CACNA2D3: variants seen among roughly 807,000 people sequenced by gnomAD.
The protein encoded by CACNA2D3 is calcium voltage-gated channel auxiliary subunit alpha2delta 3.
A neutral mutation model predicts 160.6 loss-of-function variants in CACNA2D3; 60 were observed. The ratio of observed to expected loss-of-function variants is 0.37; its 90% CI spans 0.30 to 0.46. The LOEUF (loss-of-function observed/expected upper bound fraction) is 0.46, where lower values mean the gene tolerates loss of function less well. Ranked by LOEUF, CACNA2D3 falls within the 20% of genes least tolerant of loss-of-function variation. CACNA2D3 has a pLI of 1.00. For synonymous variants in CACNA2D3, 558 were observed against 492.9 expected (o/e 1.13, Z -1.75); for missense variants, 1,205 against 1,365.0 (o/e 0.88, Z 1.85).
chr3:55,043,218 T>G (rs1480500689), intron 35 of CACNA2D3, among the ~76,000 whole-genome samples: 2 of 152,124 alleles, frequency 1.3e-5, no homozygotes, highest in Non-Finnish European at 2.9e-5. Flanking sequence ...CCATTTTGCC[T>G]TCTTGTCAGC....
intron 2 of CACNA2D3, among the ~76,000 whole-genome samples, chr3:54,309,634 G>C (rs1703685805): frequency 6.6e-6 from 1 of 152,132 alleles, no homozygotes; most frequent in Non-Finnish European, 1.5e-5. Flanking sequence ...GGCTCTGGGG[G>C]CACTGGGCCT....
intron 31 of CACNA2D3, among the ~76,000 whole-genome samples, chr3:54,993,796 C>T (rs909683505): frequency 6.0e-5 from 9 of 151,064 alleles, no homozygotes; most frequent in Non-Finnish European, 1.0e-4. Context: ...CTGCTCTCGT[C>T]GAGCCACCAG....
At chr3:54,164,342 C>G (rs1700408223) in intron 2 of CACNA2D3, among the ~76,000 whole-genome samples, 1 of 152,190 alleles carries the variant, frequency 6.6e-6, no homozygotes, top group South Asian at 2.1e-4. Context: ...CTCGAGAATC[C>G]TCCCTCTGCT....
At chr3:54,261,916 A>AC (rs1022723145) in intron 2 of CACNA2D3, among the ~76,000 whole-genome samples, 29 of 151,626 alleles carry the variant, frequency 1.9e-4, no homozygotes, top group Non-Finnish European at 3.2e-4. Flanking sequence ...AATTGCACAG[A>AC]CCCCCCCATG....
chr3:54,570,214 C>T (rs1702472105), intron 8 of CACNA2D3, 110 bp downstream of exon 8: 10 of 1,117,408 alleles, frequency 8.9e-6, no homozygotes, highest in African/African-American at 3.1e-5. Context: ...GATGCCAGAA[C>T]ATGAGGCCTG....
chr3:54,871,603 G>T lies in CACNA2D3; in HGVS notation c.1691G>T (p.Trp564Leu). The change falls in exon 18 of 38, where the codon TGG (tryptophan) becomes TTG (leucine). Residue 564 changes from tryptophan (W) to leucine (L), a missense_variant. Around this residue, in one of 3 missense-constraint regions of CACNA2D3, gnomAD observed 911 missense variants for 1,002.2 expected, o/e 0.91. Coordinates refer to ENST00000474759, the MANE Select transcript of CACNA2D3 (RefSeq NM_018398.3). ...YSSVDLSEVE[W>L]EDRDDVLRNA... ...AGCGTTGACCTCTCTGAGGTGGAGT[G>T]GGAAGACCGAGATGACGTGGTAAGT... The T allele has an allele frequency of 6.2e-7, 1 of 1,613,080 alleles. No individual in the cohort carries two copies. Among genetic ancestry groups the T allele is most frequent in the Non-Finnish European group, 8.5e-7 (1 of 1,179,144 alleles).
chr3:54,557,756 G>A (rs952527900), intron 5 of CACNA2D3, among the ~76,000 whole-genome samples: 5 of 152,182 alleles, frequency 3.3e-5, no homozygotes, highest in Non-Finnish European at 5.9e-5. Context: ...AAAAGAAAGA[G>A]ATCCATTTTC....
chr3:54,858,141 C>T lies in CACNA2D3; in HGVS notation c.1626+11674C>T, dbSNP rs192394530. 4.1e-3 allele frequency among the ~76,000 whole-genome samples: 629 copies of T among 151,864 alleles called. 2 individuals carry two copies. Among genetic ancestry groups the T allele is most frequent in the Non-Finnish European group, 7.9e-3 (536 of 67,974 alleles). On this transcript the variant is annotated intron_variant, in intron 17 of 37. Coordinates refer to ENST00000474759, the MANE Select transcript of CACNA2D3 (RefSeq NM_018398.3). ...TAAAAACCTCATCAAAATGTAATTA[C>T]AGGCAAAGTGTTGAATAATGATCTC...
intron 4 of CACNA2D3, among the ~76,000 whole-genome samples, chr3:54,465,771 A>G (rs955775312): frequency 1.3e-5 from 2 of 152,234 alleles, no homozygotes; most frequent in Admixed American, 6.5e-5. Flanking sequence ...ACTCGTTAAC[A>G]TTAATAACTG....
chr3:54,479,608 A>G (rs1575480208), intron 4 of CACNA2D3, among the ~76,000 whole-genome samples: 1 of 152,134 alleles, frequency 6.6e-6, no homozygotes, highest in Non-Finnish European at 1.5e-5. Context: ...AGTGGCTCCC[A>G]CCTTTTTCTC....
At chr3:54,449,926 C>T (rs1700279108) in intron 4 of CACNA2D3, among the ~76,000 whole-genome samples, 1 of 152,102 alleles carries the variant, frequency 6.6e-6, no homozygotes, top group Non-Finnish European at 1.5e-5. Context: ...AAATATATGT[C>T]CACAATCTCT....
At chr3:54,715,639 G>A (rs1230108439) in intron 11 of CACNA2D3, among the ~76,000 whole-genome samples, 1 of 152,038 alleles carries the variant, frequency 6.6e-6, no homozygotes, top group Admixed American at 6.5e-5. Context: ...CATCTCGTTA[G>A]CATACAAAAG....
At chr3:55,052,358 C>A (rs911269741) in intron 35 of CACNA2D3, among the ~76,000 whole-genome samples, 1 of 151,736 alleles carries the variant, frequency 6.6e-6, no homozygotes, top group Non-Finnish European at 1.5e-5. Flanking sequence ...AAAACATGAT[C>A]TAACTTTGTG....
chr3:54,276,088 G>C (rs534219601), intron 2 of CACNA2D3, among the ~76,000 whole-genome samples: 1 of 152,116 alleles, frequency 6.6e-6, no homozygotes, highest in Non-Finnish European at 1.5e-5. Flanking sequence ...CTGAAGCCCC[G>C]ATTGAATGCC....
intron 17 of CACNA2D3, among the ~76,000 whole-genome samples, chr3:54,870,049 C>A (rs1699490255): frequency 6.6e-6 from 1 of 152,116 alleles, no homozygotes; most frequent in Non-Finnish European, 1.5e-5. Context: ...AGGCTAGGCA[C>A]CATCCTAGGT....
intron 9 of CACNA2D3, among the ~76,000 whole-genome samples, chr3:54,627,173 C>T (rs1263081298): frequency 1.3e-5 from 2 of 152,126 alleles, no homozygotes; most frequent in Admixed American, 6.6e-5. Context: ...AGAGTAATGC[C>T]GTATCTTAAG....
chr3:54,171,158 T>TTTTTTTTTTTA (rs1553743546), intron 2 of CACNA2D3, among the ~76,000 whole-genome samples: 4 of 140,676 alleles, frequency 2.8e-5, no homozygotes, highest in Admixed American at 6.9e-5. Context: ...TTTTTTTTTT[T>TTTTTTTTTTTA]AGGAATAGCT....
chr3:54,927,950 C>T, intron 27 of CACNA2D3: 1 of 1,609,310 alleles, frequency 6.2e-7, no homozygotes, highest in Non-Finnish European at 8.5e-7. Flanking sequence ...ACCTCGTAGA[C>T]CCTTTAATTA....
At chr3:54,943,100 G>T (rs1701517112) in intron 27 of CACNA2D3, among the ~76,000 whole-genome samples, 1 of 151,938 alleles carries the variant, frequency 6.6e-6, no homozygotes, top group Non-Finnish European at 1.5e-5. Context: ...TGCTAGGGAG[G>T]TTGAGGCAAG....
Sources: gnomAD v4.1 joint callset for allele counts (sites outside exome capture counted in the v4.1 genomes callset) on GRCh38, gnomAD v4.1.1 for gene constraint, gnomAD v4.1.1 regional missense constraint, MANE v1.5 for transcripts, NCBI Gene and HGNC (gene_info 2026-07-23, HGNC 2026-07-21) for gene names.